VPS13B: variants seen among roughly 807,000 people sequenced by gnomAD.
The protein encoded by VPS13B is vacuolar protein sorting 13 homolog B, also known as intermembrane lipid transfer protein VPS13B.
A neutral mutation model predicts 426.4 loss-of-function variants in VPS13B; 285 were observed. That is an observed-to-expected ratio of 0.67 (90% CI 0.61 to 0.74). The LOEUF (loss-of-function observed/expected upper bound fraction) is 0.74, where lower values mean the gene tolerates loss of function less well. VPS13B is among the 30% of genes least tolerant of loss of function. The probability of loss-of-function intolerance (pLI) is 0.00; values close to 1 mark genes in which losing one functional copy is unlikely to be tolerated. For synonymous variants in VPS13B, 1,676 were observed against 1,676.4 expected (o/e 1.00, Z 0.01); for missense variants, 4,537 against 4,782.6 (o/e 0.95, Z 1.51).
intron 30 of VPS13B, among the ~76,000 whole-genome samples, chr8:99,544,346 G>T (rs1001071498): frequency 2.0e-5 from 3 of 152,142 alleles, no homozygotes; most frequent in Non-Finnish European, 2.9e-5. Context: ...ATAGCATTGG[G>T]AGATATACCT....
chr8:99,647,406 C>T (rs1392926665), intron 34 of VPS13B, among the ~76,000 whole-genome samples: 11 of 149,656 alleles, frequency 7.4e-5, no homozygotes, highest in Non-Finnish European at 1.2e-4. Flanking sequence ...TACAAAAATA[C>T]AAAAATTAGC....
At chr8:99,871,730 G>C (rs1442939929) in intron 61 of VPS13B, 33 bp downstream of exon 61, 3 of 1,611,990 alleles carry the variant, frequency 1.9e-6, no homozygotes, top group Non-Finnish European at 1.7e-6. Context: ...ACCAAGACTA[G>C]CTGGCCAGGG....
chr8:99,448,982 T>C (rs1430261636), intron 23 of VPS13B, among the ~76,000 whole-genome samples: 2 of 152,200 alleles, frequency 1.3e-5, no homozygotes, highest in Admixed American at 1.3e-4. Context: ...GTTTAGCTCA[T>C]TTTTGTTCAG....
In VPS13B at chr8:99,577,516, A is replaced by G; in HGVS notation, c.5103A>G (p.Leu1701=). The G allele has an allele frequency of 6.2e-7, 1 of 1,613,842 alleles. No individual in the cohort carries two copies. The highest frequency in any genetic ancestry group is 2.2e-5 in the East Asian group (1 of 44,854). The part of the protein sequence containing the change: ...TEEILVCGHS[L]EVNITTNLDF... ...AGATTTTAGTGTGTGGCCATTCCTT[A>G]GAAGTGAATATAACCACAAACCTGG... is the stretch of plus-strand genomic sequence containing the variant. The change falls in exon 33 of 62, where the codon TTA becomes TTG. Residue 1701 remains leucine, a synonymous_variant. Coordinates refer to ENST00000357162, the MANE Select transcript of VPS13B (RefSeq NM_152564.5).
At chr8:99,081,253 A>G (rs1171360630) in intron 3 of VPS13B, among the ~76,000 whole-genome samples, 1 of 152,168 alleles carries the variant, frequency 6.6e-6, no homozygotes, top group African/African-American at 2.4e-5. Flanking sequence ...TTGCATGGCC[A>G]CCTGTCTTTC....
intron 19 of VPS13B, among the ~76,000 whole-genome samples, chr8:99,383,632 C>T (rs1214796710): frequency 1.3e-5 from 2 of 150,512 alleles, no homozygotes; most frequent in Non-Finnish European, 3.0e-5. Context: ...TCTCCCCTCT[C>T]ACAGGCCCTG....
Position 99,580,344 on chromosome 8 carries a change from C to A in VPS13B, c.5220+2711C>A, listed in dbSNP as rs1343000133. On this transcript the variant is annotated intron_variant, in intron 33 of 61. Transcript: ENST00000357162. ...ACATTAAATATATATATATATATTT[C>A]TTTTCTTTTCTTTTCTTTTCTTTTG... Among the ~76,000 whole-genome samples, 4 of 144,952 alleles carry A rather than the reference C, an allele frequency of 2.8e-5. No individual in the cohort carries two copies. In the East Asian group the frequency reaches 8.0e-4, roughly 29 times the overall value.
At chr8:99,410,180 C>G (rs1815555893) in intron 21 of VPS13B, among the ~76,000 whole-genome samples, 1 of 152,148 alleles carries the variant, frequency 6.6e-6, no homozygotes, top group Admixed American at 6.6e-5. Flanking sequence ...TTCTAAAACT[C>G]AAATTTTATT....
intron 19 of VPS13B, among the ~76,000 whole-genome samples, chr8:99,368,970 C>T (rs1313479345): frequency 6.6e-6 from 1 of 152,160 alleles, no homozygotes; most frequent in Non-Finnish European, 1.5e-5. Context: ...AAGGTGGTGT[C>T]TATTTCTGTG....
chr8:99,325,760 G>A (rs1216617355), intron 19 of VPS13B, among the ~76,000 whole-genome samples: 4 of 119,108 alleles, frequency 3.4e-5, no homozygotes, highest in African/African-American at 9.6e-5. Context: ...CAGCTTTCAA[G>A]TATCAGGTAA....
At chr8:99,830,983 A>G (rs1815008907) in intron 51 of VPS13B, among the ~76,000 whole-genome samples, 2 of 151,436 alleles carry the variant, frequency 1.3e-5, no homozygotes, top group African/African-American at 4.9e-5. Context: ...TTGGAAACGC[A>G]GAAACCATCC....
At chr8:99,402,235 C>A (rs1040386754) in intron 21 of VPS13B, among the ~76,000 whole-genome samples, 1 of 152,112 alleles carries the variant, frequency 6.6e-6, no homozygotes, top group African/African-American at 2.4e-5. Flanking sequence ...ACAATAGAAG[C>A]CTAGGATTCA....
intron 22 of VPS13B, among the ~76,000 whole-genome samples, chr8:99,433,739 A>C (rs1272644671): frequency 6.6e-6 from 1 of 152,136 alleles, no homozygotes; most frequent in Non-Finnish European, 1.5e-5. Context: ...TCAAGGAGAA[A>C]GCTTTAGTGT....
At chr8:99,543,511 CA>C (rs1363867204) in intron 30 of VPS13B, among the ~76,000 whole-genome samples, 1 of 152,002 alleles carries the variant, frequency 6.6e-6, no homozygotes, top group Non-Finnish European at 1.5e-5. Context: ...AAACTACCAT[CA>C]GAGTGAATAG....
rs986233614 is a variant in VPS13B at position 99,643,411 on chromosome 8, C to A, written c.5908+913C>A. Among the ~76,000 whole-genome samples, 22 of 152,264 alleles carry A rather than the reference C, an allele frequency of 1.4e-4. 1 individual carries two copies. Among genetic ancestry groups the A allele is most frequent in the African/African-American group, 5.3e-4 (22 of 41,542 alleles). The stretch of plus-strand genomic sequence containing the variant: ...GGAATTCAGGTTTGTTCATTCTTGC[C>A]ATTAAGAAGGACCATTTTGCACAGC... On this transcript the variant is annotated intron_variant, in intron 34 of 61. Transcript: ENST00000357162.
intron 16 of VPS13B, among the ~76,000 whole-genome samples, chr8:99,188,704 C>T (rs948393017): frequency 6.6e-6 from 1 of 152,072 alleles, no homozygotes; most frequent in African/African-American, 2.4e-5. Flanking sequence ...CCAATTTCTA[C>T]CTATTCAGGC....
chr8:99,802,070 A>AGT (rs977189158), intron 43 of VPS13B, among the ~76,000 whole-genome samples: 1 of 151,944 alleles, frequency 6.6e-6, no homozygotes, highest in Non-Finnish European at 1.5e-5. Context: ...GGATCACTTG[A>AGT]GCCCAGGAGG....
At chr8:99,577,806 T>C (rs1825847725) in intron 33 of VPS13B, 173 bp downstream of exon 33, 2 of 969,534 alleles carry the variant, frequency 2.1e-6, no homozygotes, top group Non-Finnish European at 3.0e-6. Flanking sequence ...TAGAAATTTG[T>C]TTGGTCTCTA....
intron 30 of VPS13B, among the ~76,000 whole-genome samples, chr8:99,536,245 G>A (rs578050585): frequency 2.6e-5 from 4 of 152,056 alleles, no homozygotes; most frequent in South Asian, 2.1e-4. Flanking sequence ...CACCGTGCCC[G>A]GCCTGATTTT....
Sources: allele counts gnomAD v4.1 joint callset (sites outside exome capture counted in the v4.1 genomes callset), GRCh38; gene constraint gnomAD v4.1.1; transcripts MANE v1.5; gene names NCBI Gene and HGNC (gene_info 2026-07-23, HGNC 2026-07-21).